SYNPR: variants seen among roughly 807,000 people sequenced by gnomAD.
SYNPR encodes the protein synaptoporin.
A neutral mutation model predicts 32.9 loss-of-function variants in SYNPR; 23 were observed. The observed-to-expected ratio is 0.70, with a 90% CI of 0.50 to 0.99. SYNPR has a LOEUF of 0.99. Among genes scored for constraint, SYNPR ranks in the 50% least tolerant of loss-of-function variants. The pLI is 0.00. For missense variants in SYNPR, 318 were observed against 349.3 expected (o/e 0.91, Z 0.71); for synonymous variants, 146 against 135.9 (o/e 1.07, Z -0.52).
At chr3:63,418,075 T>C (rs1410830401) in intron 2 of SYNPR, among the ~76,000 whole-genome samples, 1 of 152,224 alleles carries the variant, frequency 6.6e-6, no homozygotes, top group African/African-American at 2.4e-5. Context: ...TCCAAACGTT[T>C]ATGCTCTGCT....
At chr3:63,533,400 T>C (rs1322964821) in intron 3 of SYNPR, among the ~76,000 whole-genome samples, 1 of 152,088 alleles carries the variant, frequency 6.6e-6, no homozygotes, top group Non-Finnish European at 1.5e-5. Context: ...TTTGGGAGAT[T>C]AAAGAAGCAA....
intron 1 of SYNPR, among the ~76,000 whole-genome samples, chr3:63,233,436 G>A (rs2086179919): frequency 2.0e-5 from 3 of 152,116 alleles, no homozygotes; most frequent in South Asian, 4.1e-4. Flanking sequence ...GCCCTCCATG[G>A]CCCAGACCCT....
chr3:63,522,171 G>A (rs1288988820), intron 3 of SYNPR, among the ~76,000 whole-genome samples: 1 of 152,206 alleles, frequency 6.6e-6, no homozygotes, highest in Non-Finnish European at 1.5e-5. Flanking sequence ...GATGAGCACA[G>A]CAGAAATGTT....
chr3:63,533,774 C>T (rs1447381386), intron 3 of SYNPR, among the ~76,000 whole-genome samples: 1 of 152,168 alleles, frequency 6.6e-6, no homozygotes, highest in African/African-American at 2.4e-5. Context: ...GAAAAAGAGC[C>T]TTGTTGGTCT....
chr3:63,569,738 T>C (rs774993239), intron 4 of SYNPR, among the ~76,000 whole-genome samples: 1 of 152,146 alleles, frequency 6.6e-6, no homozygotes, highest in Non-Finnish European at 1.5e-5. Context: ...ACTCAAAAAG[T>C]GAAGTTCAAA....
At chr3:63,477,660 G>A (rs1455675533) in intron 2 of SYNPR, among the ~76,000 whole-genome samples, 1 of 152,164 alleles carries the variant, frequency 6.6e-6, no homozygotes, top group Non-Finnish European at 1.5e-5. Flanking sequence ...AGCCTGCAAG[G>A]CCAGCTCTAG....
At chr3:63,513,792 G>A (rs1701740712) in intron 3 of SYNPR, among the ~76,000 whole-genome samples, 1 of 152,024 alleles carries the variant, frequency 6.6e-6, no homozygotes, top group East Asian at 1.9e-4. Flanking sequence ...TGGAAGGAAT[G>A]AGGAGAGGAA....
chr3:63,434,195 G>A (rs1021701064), intron 2 of SYNPR, among the ~76,000 whole-genome samples: 4 of 152,156 alleles, frequency 2.6e-5, no homozygotes, highest in African/African-American at 9.7e-5. Flanking sequence ...GGTTCTGGAG[G>A]CATAGTGGTT....
chr3:63,464,740 T>G (rs937423534), intron 2 of SYNPR, among the ~76,000 whole-genome samples: 5 of 152,180 alleles, frequency 3.3e-5, no homozygotes, highest in African/African-American at 9.6e-5. Context: ...AATCATTTCT[T>G]TTAGAATTGT....
At chr3:63,598,702 A>G (rs1699996184) in intron 4 of SYNPR, among the ~76,000 whole-genome samples, 1 of 152,218 alleles carries the variant, frequency 6.6e-6, no homozygotes, top group Non-Finnish European at 1.5e-5. Context: ...GGGACCACAT[A>G]GAACAAAAGT....
intron 2 of SYNPR, among the ~76,000 whole-genome samples, chr3:63,406,204 T>A (rs1482919664): frequency 6.7e-6 from 1 of 149,468 alleles, no homozygotes; most frequent in Admixed American, 6.6e-5. Context: ...GAATGCAGCT[T>A]TAAAAAAAAA....
chr3:63,332,500 T>A (rs1273177428), intron 2 of SYNPR, among the ~76,000 whole-genome samples: 1 of 152,108 alleles, frequency 6.6e-6, no homozygotes, highest in Non-Finnish European at 1.5e-5. Flanking sequence ...AGGTCAGTAC[T>A]TTGCACAGAC....
intron 3 of SYNPR, among the ~76,000 whole-genome samples, chr3:63,539,954 G>A (rs1360694711): frequency 2.0e-5 from 3 of 152,114 alleles, no homozygotes; most frequent in African/African-American, 7.2e-5. Flanking sequence ...ACTTCCAGCT[G>A]TGCCTGCTTG....
intron 2 of SYNPR, among the ~76,000 whole-genome samples, chr3:63,479,917 TAAG>T (rs1422358049): frequency 6.6e-6 from 1 of 152,152 alleles, no homozygotes; most frequent in African/African-American, 2.4e-5. Context: ...CAAACTATTG[TAAG>T]AAGCTGAATT....
intron 3 of SYNPR, among the ~76,000 whole-genome samples, chr3:63,545,162 G>A (rs905323136): frequency 2.0e-5 from 3 of 152,008 alleles, no homozygotes; most frequent in African/African-American, 7.2e-5. Context: ...TCGCCATTGG[G>A]TGTGAGACTA....
At chr3:63,260,934 A>C (rs2086432090) in intron 2 of SYNPR, among the ~76,000 whole-genome samples, 1 of 152,232 alleles carries the variant, frequency 6.6e-6, no homozygotes, top group African/African-American at 2.4e-5. Context: ...TCAAAAGAAG[A>C]CATTTATGCA....
intron 2 of SYNPR, among the ~76,000 whole-genome samples, chr3:63,320,625 G>A (rs1382008535): frequency 3.9e-5 from 6 of 152,026 alleles, no homozygotes; most frequent in Non-Finnish European, 7.4e-5. Flanking sequence ...ATAGCAATAA[G>A]TTTGAAAATA....
At chr3:63,551,796 T>C (rs561007506) in intron 3 of SYNPR, among the ~76,000 whole-genome samples, 2 of 152,296 alleles carry the variant, frequency 1.3e-5, no homozygotes, top group South Asian at 4.2e-4. Context: ...CCTTTCTCTC[T>C]AAACTTTAAG....
At chr3:63,402,215 C>A (rs756364061) in intron 2 of SYNPR, among the ~76,000 whole-genome samples, 3 of 152,080 alleles carry the variant, frequency 2.0e-5, no homozygotes, top group African/African-American at 4.8e-5. Context: ...GTTCTGTGCA[C>A]TCTGGGATGT....
Sources: gnomAD v4.1 joint callset for allele counts (sites outside exome capture counted in the v4.1 genomes callset) on GRCh38, gnomAD v4.1.1 for gene constraint, MANE v1.5 for transcripts, NCBI Gene and HGNC (gene_info 2026-07-23, HGNC 2026-07-21) for gene names.